ATP2B2: variants seen among roughly 807,000 people sequenced by gnomAD.
ATP2B2 encodes plasma membrane calcium-transporting ATPase 2.
In ATP2B2, 15 loss-of-function variants were observed where a neutral mutation model predicts 120.0. The observed-to-expected ratio is 0.12, with a 90% CI of 0.08 to 0.19. ATP2B2 has a LOEUF of 0.19. Among genes scored for constraint, ATP2B2 ranks in the 10% least tolerant of loss-of-function variants. ATP2B2 has a pLI of 1.00. For missense variants in ATP2B2, 1,045 were observed against 1,719.8 expected (o/e 0.61, Z 6.94); for synonymous variants, 694 against 700.3 (o/e 0.99, Z 0.14).
intron 1 of ATP2B2, chr3:10,626,005 A>T (rs2069688436): frequency 2.0e-5 from 3 of 151,960 alleles, no homozygotes; most frequent in African/African-American, 7.3e-5. Context: ...CATTTATGGT[A>T]GCAATAAAGT....
At chr3:10,358,559 G>A in intron 14 of ATP2B2, 132 bp downstream of exon 14, 1 of 911,234 alleles carries the variant, frequency 1.1e-6, no homozygotes, top group Non-Finnish European at 1.7e-6. Context: ...TGAGGATCAA[G>A]GAAGGAAATC....
intron 1 of ATP2B2, among the ~76,000 whole-genome samples, chr3:10,471,949 C>T (rs369486840): frequency 5.9e-4 from 89 of 151,632 alleles, no homozygotes; most frequent in East Asian, 1.9e-3. Context: ...GGTGTGGTGG[C>T]GGGCGCCTGT....
intron 1 of ATP2B2, among the ~76,000 whole-genome samples, chr3:10,665,780 G>A (rs1204953470): frequency 6.6e-6 from 1 of 152,136 alleles, no homozygotes; most frequent in Non-Finnish European, 1.5e-5. Flanking sequence ...CATTCTGGGA[G>A]TCTTGCCCGC....
At chr3:10,487,845 G>T (rs577591360) in intron 1 of ATP2B2, among the ~76,000 whole-genome samples, 1 of 152,270 alleles carries the variant, frequency 6.6e-6, no homozygotes, top group African/African-American at 2.4e-5. Flanking sequence ...ACCTGCAATG[G>T]CTCCCACTGC....
chr3:10,493,144 T>C (rs1173674754), intron 1 of ATP2B2, among the ~76,000 whole-genome samples: 1 of 152,060 alleles, frequency 6.6e-6, no homozygotes. Context: ...CTACTGATTG[T>C]CTAGGGAAGA....
At chr3:10,512,464 G>GCGCACACACACACACA in intron 3 of ATP2B2, among the ~76,000 whole-genome samples, 1 of 137,026 alleles carries the variant, frequency 7.3e-6, no homozygotes, top group South Asian at 2.3e-4. Flanking sequence ...AAGTGTGTGC[G>GCGCACACACACACACA]CACACACACA....
At chr3:10,687,255 A>G (rs540676292) in intron 1 of ATP2B2, among the ~76,000 whole-genome samples, 1 of 152,290 alleles carries the variant, frequency 6.6e-6, no homozygotes, top group East Asian at 1.9e-4. Context: ...CAACACAAGT[A>G]CCTTTCCCCA....
intron 3 of ATP2B2, among the ~76,000 whole-genome samples, chr3:10,519,031 T>G (rs1225143843): frequency 6.6e-6 from 1 of 152,236 alleles, no homozygotes; most frequent in African/African-American, 2.4e-5. Context: ...TCTAAACACT[T>G]GGCACATTAT....
chr3:10,560,676 C>T lies in ATP2B2; in HGVS notation c.-414-26543G>A, dbSNP rs539288708. On this transcript the variant is annotated intron_variant, in intron 2 of 21. Coordinates refer to the ATP2B2 transcript ENST00000646379. ...CCACCTCCTTTGCCAGCTCGCCATC[C>T]GCCTGAAGGAATGCAATACCCTCCA... is the stretch of plus-strand genomic sequence containing the variant. 9.8e-4 allele frequency among the ~76,000 whole-genome samples: 149 copies of T among 152,276 alleles called. 1 individual carries two copies. Among genetic ancestry groups the T allele is most frequent in the African/African-American group, 3.1e-3 (128 of 41,558 alleles).
In ATP2B2 at chr3:10,340,114, A is replaced by T; in HGVS notation, c.3237+128T>A. ...ACCTGGGACAAACCCCCTTGCTCAG[A>T]TGTCCAGAGATAGGGAGGAGCTTGC... On this transcript the variant is annotated intron_variant, in intron 21 of 22. Coordinates refer to ENST00000360273, the MANE Select transcript of ATP2B2 (RefSeq NM_001001331.4). The surrounding 1 kb of genome is among the most constrained non-coding windows in gnomAD (Gnocchi z 5.0). The T allele has an allele frequency of 1.2e-6, 1 of 855,000 alleles. No homozygotes were observed. The highest frequency in any genetic ancestry group is 1.9e-6 in the Non-Finnish European group (1 of 523,494). The allele number at this position is 855,000 out of a possible 1,614,324, so 53.0% of individuals were successfully genotyped here.
chr3:10,359,633 C>G (rs1455194474), intron 13 of ATP2B2, among the ~76,000 whole-genome samples: 5 of 152,198 alleles, frequency 3.3e-5, no homozygotes, highest in African/African-American at 1.2e-4. Flanking sequence ...AGGGGGAGGA[C>G]TCTGGCTATA....
chr3:10,606,758 G>A (rs1383294267), intron 2 of ATP2B2, among the ~76,000 whole-genome samples: 1 of 152,060 alleles, frequency 6.6e-6, no homozygotes, highest in African/African-American at 2.4e-5. Context: ...ACCTGCTTAT[G>A]TATAAGACCT....
chr3:10,352,845 C>T (rs184529086), intron 14 of ATP2B2, among the ~76,000 whole-genome samples: 25 of 152,312 alleles, frequency 1.6e-4, no homozygotes, highest in Admixed American at 1.2e-3. Context: ...TTCCTGGGAA[C>T]GCACACCTTA....
chr3:10,571,847 C>A (rs925696394), intron 2 of ATP2B2, among the ~76,000 whole-genome samples: 2 of 152,214 alleles, frequency 1.3e-5, no homozygotes, highest in Non-Finnish European at 2.9e-5. Context: ...GGTGAGATAG[C>A]AATTCCTTAT....
intron 22 of ATP2B2, among the ~76,000 whole-genome samples, chr3:10,330,699 G>A (rs1163000410): frequency 1.3e-5 from 2 of 152,248 alleles, no homozygotes; most frequent in African/African-American, 4.8e-5. Flanking sequence ...GAAGTCCCAG[G>A]ACTTGAGCTC....
intron 1 of ATP2B2, among the ~76,000 whole-genome samples, chr3:10,669,528 A>G (rs964011153): frequency 6.6e-6 from 1 of 152,008 alleles, no homozygotes; most frequent in Non-Finnish European, 1.5e-5. Context: ...TGTCAGAATC[A>G]CCTGGGGAGT....
chr3:10,482,340 C>A (rs1203846727), intron 1 of ATP2B2, among the ~76,000 whole-genome samples: 1 of 152,248 alleles, frequency 6.6e-6, no homozygotes, highest in Non-Finnish European at 1.5e-5. Context: ...CTCTACCACA[C>A]TCCAGAGGCC....
intron 8 of ATP2B2, among the ~76,000 whole-genome samples, chr3:10,381,903 G>C (rs1476684228): frequency 6.6e-6 from 1 of 152,196 alleles, no homozygotes; most frequent in Non-Finnish European, 1.5e-5. Flanking sequence ...TCTGGGGAGA[G>C]AGACCACTAC....
intron 1 of ATP2B2, among the ~76,000 whole-genome samples, chr3:10,628,426 T>G (rs2069768833): frequency 3.3e-5 from 5 of 150,944 alleles, no homozygotes; most frequent in Admixed American, 3.3e-4. Context: ...GGCGAATGAT[T>G]AACGTGCAGG....
Sources: gnomAD v4.1 joint callset for allele counts (sites outside exome capture counted in the v4.1 genomes callset) on GRCh38, gnomAD v4.1.1 for gene constraint, Gnocchi (gnomAD v3.1) non-coding constraint, MANE v1.5 for transcripts, NCBI Gene and HGNC (gene_info 2026-07-23, HGNC 2026-07-21) for gene names.